The following SNX6 variants were observed in gnomAD, a reference collection of about 807,000 sequenced individuals.
SNX6 encodes sorting nexin 6.
Under a neutral mutation model 63.0 loss-of-function variants are expected in SNX6, and 34 were observed. The ratio of observed to expected loss-of-function variants is 0.54; its 90% CI spans 0.41 to 0.72. The LOEUF (loss-of-function observed/expected upper bound fraction) is 0.72. Among genes scored for constraint, SNX6 ranks in the 30% least tolerant of loss-of-function variants. The pLI is 0.00. For synonymous variants in SNX6, 170 were observed against 164.2 expected, an observed-to-expected ratio of 1.04 and a Z score of -0.27; for missense variants, 398 against 471.4, an observed-to-expected ratio of 0.84 and a Z score of 1.44.
At chr14:34,630,088 T>C in intron 1 of SNX6, 23 bp downstream of exon 1, 1 of 1,449,936 alleles carries the variant, frequency 6.9e-7, no homozygotes, top group East Asian at 2.9e-5. Flanking sequence ...CTCCCGGGAC[T>C]CGGCGCCGCG....
chr14:34,606,911 G>C (rs1472272974), intron 4 of SNX6, among the ~76,000 whole-genome samples: 1 of 152,044 alleles, frequency 6.6e-6, no homozygotes, highest in Admixed American at 6.5e-5. Context: ...AAGTATCTGG[G>C]ATTACAGGCA....
intron 2 of SNX6, among the ~76,000 whole-genome samples, chr14:34,627,076 G>C (rs1883855704): frequency 6.6e-6 from 1 of 152,112 alleles, no homozygotes; most frequent in South Asian, 2.1e-4. Flanking sequence ...TCAAGCCATA[G>C]CTCATTGTTC....
chr14:34,600,723 T>C (rs1021705705), intron 6 of SNX6, among the ~76,000 whole-genome samples: 2 of 152,280 alleles, frequency 1.3e-5, no homozygotes, highest in East Asian at 3.9e-4. Context: ...GCCAGCACTA[T>C]GAACGAAGAA....
intron 2 of SNX6, among the ~76,000 whole-genome samples, chr14:34,617,800 A>G (rs1883477249): frequency 6.6e-6 from 1 of 151,778 alleles, no homozygotes; most frequent in African/African-American, 2.4e-5. Flanking sequence ...GGGCACCTGT[A>G]GTCCCAGCTA....
chr14:34,621,638 G>A (rs1278466452), intron 2 of SNX6, among the ~76,000 whole-genome samples: 2 of 152,168 alleles, frequency 1.3e-5, no homozygotes, highest in African/African-American at 2.4e-5. Flanking sequence ...TCCAACATAC[G>A]TGGAACCAGA....
rs144841715 is a variant in SNX6 at position 34,611,961 on chromosome 14, T to C, written c.55-2219A>G. 4.4e-3 allele frequency among the ~76,000 whole-genome samples: 667 copies of C among 152,054 alleles called. 5 individuals are homozygous for C. The highest frequency in any genetic ancestry group is 0.016 in the African/African-American group (646 of 41,510). On this transcript the variant is annotated intron_variant, in intron 2 of 13. Coordinates refer to ENST00000362031, the MANE Select transcript of SNX6 (RefSeq NM_152233.4). ...GCCTGGCTCATTTTTTGTATTTTTT[T>C]AGTAGAGAGGAGTTTCACCGTGTTA...
intron 6 of SNX6, among the ~76,000 whole-genome samples, chr14:34,599,508 G>C (rs966345453): frequency 6.6e-6 from 1 of 151,908 alleles, no homozygotes; most frequent in African/African-American, 2.4e-5. Flanking sequence ...TAGGGAGACT[G>C]AGGCAAGAGA....
At chr14:34,625,719 C>T (rs986899671) in intron 2 of SNX6, among the ~76,000 whole-genome samples, 5 of 151,764 alleles carry the variant, frequency 3.3e-5, no homozygotes, top group Non-Finnish European at 5.9e-5. Flanking sequence ...GGCAACAGAG[C>T]GAGACCCTGT....
At chr14:34,573,574 TA>T (rs1310169736) in intron 11 of SNX6, among the ~76,000 whole-genome samples, 3 of 145,176 alleles carry the variant, frequency 2.1e-5, no homozygotes, top group South Asian at 2.2e-4. Context: ...GACTCTGCCT[TA>T]AAAAAAAAAC....
intron 2 of SNX6, among the ~76,000 whole-genome samples, chr14:34,620,725 G>C (rs1188682029): frequency 6.6e-6 from 1 of 151,892 alleles, no homozygotes; most frequent in African/African-American, 2.4e-5. Flanking sequence ...AGGATCACTT[G>C]AGGCCAGGAG....
At chr14:34,601,922 T>A (rs1032019699) in intron 6 of SNX6, among the ~76,000 whole-genome samples, 8 of 151,966 alleles carry the variant, frequency 5.3e-5, no homozygotes, top group African/African-American at 1.9e-4. Flanking sequence ...TTAACTATCA[T>A]TCTGTCAATT....
chr14:34,596,957 C>G (rs1027292953), intron 7 of SNX6, among the ~76,000 whole-genome samples: 1 of 152,226 alleles, frequency 6.6e-6, no homozygotes, highest in African/African-American at 2.4e-5. Context: ...CAGGCATGGG[C>G]CACCTTGCCC....
intron 1 of SNX6, 44 bp downstream of exon 1, chr14:34,630,067 C>A (rs1471131747): frequency 2.1e-6 from 3 of 1,457,944 alleles, no homozygotes; most frequent in African/African-American, 3.0e-5. Context: ...GCGCCCGCTG[C>A]CCCCACCGCG....
chr14:34,594,162 A>C (rs1882510019), intron 7 of SNX6, among the ~76,000 whole-genome samples: 1 of 152,180 alleles, frequency 6.6e-6, no homozygotes, highest in African/African-American at 2.4e-5. Flanking sequence ...ACAGAAGTGA[A>C]AATCTATTTT....
At chr14:34,574,495 C>T (rs1053678183) in intron 11 of SNX6, among the ~76,000 whole-genome samples, 5 of 151,206 alleles carry the variant, frequency 3.3e-5, no homozygotes, top group Middle Eastern at 3.4e-3. Flanking sequence ...ACTAAAAATA[C>T]GAAAACTAGC....
chr14:34,588,439 T>C (rs1232572669), intron 8 of SNX6, among the ~76,000 whole-genome samples: 1 of 151,950 alleles, frequency 6.6e-6, no homozygotes, highest in African/African-American at 2.4e-5. Flanking sequence ...TTTGCAAAGA[T>C]TGGGTTTCAC....
At chr14:34,595,277 A>G (rs1882554609) in intron 7 of SNX6, among the ~76,000 whole-genome samples, 1 of 152,072 alleles carries the variant, frequency 6.6e-6, no homozygotes, top group African/African-American at 2.4e-5. Context: ...AGCTGGGATT[A>G]CAGCCACGTG....
chr14:34,612,295 T>C (rs967735322), intron 2 of SNX6, among the ~76,000 whole-genome samples: 9 of 152,084 alleles, frequency 5.9e-5, no homozygotes, highest in African/African-American at 2.2e-4. Flanking sequence ...CCCCAGGAGG[T>C]ATCTACATCC....
At chr14:34,581,650 A>G (rs1263646916) in intron 9 of SNX6, 50 bp from the exon 10 acceptor site, 2 of 1,172,138 alleles carry the variant, frequency 1.7e-6, no homozygotes. Flanking sequence ...GTAATTTTCC[A>G]TTTCAAATGT....
Sources: allele counts gnomAD v4.1 joint callset (sites outside exome capture counted in the v4.1 genomes callset), GRCh38; gene constraint gnomAD v4.1.1; transcripts MANE v1.5; gene names NCBI Gene and HGNC (gene_info 2026-07-23, HGNC 2026-07-21).